Variants in TXNDC12 observed in about 807,000 individuals in gnomAD.
TXNDC12 encodes the protein thioredoxin domain-containing protein 12.
In TXNDC12, 22 loss-of-function variants were observed where a neutral mutation model predicts 24.2. That is an observed-to-expected ratio of 0.91 (90% CI 0.65 to 1.30). The LOEUF is 1.30. TXNDC12 is among the 50% of genes most tolerant of loss of function. The pLI is 0.00. For missense variants in TXNDC12, 184 were observed against 205.8 expected, an observed-to-expected ratio of 0.89 and a Z score of 0.65; for synonymous variants, 58 against 73.4, an observed-to-expected ratio of 0.79 and a Z score of 1.07.
At chr1:52,046,231 CT>C (rs1166502418) in intron 1 of TXNDC12, among the ~76,000 whole-genome samples, 1 of 150,402 alleles carries the variant, frequency 6.6e-6, no homozygotes, top group Non-Finnish European at 1.5e-5. Flanking sequence ...GTGGTACTTT[CT>C]TACTGTAGCC....
intron 1 of TXNDC12, chr1:52,044,238 A>ATG (rs1388170010): frequency 4.6e-5 from 7 of 152,240 alleles, no homozygotes; most frequent in African/African-American, 1.7e-4. Context: ...CATAAACACA[A>ATG]AGCAAGCTAA....
chr1:52,032,582 A>G, intron 2 of TXNDC12: 2 of 1,437,708 alleles, frequency 1.4e-6, no homozygotes, highest in East Asian at 2.4e-5. Context: ...ATCAGTCACA[A>G]CAGCTCTAGT....
chr1:52,033,683 C>A lies in TXNDC12; in HGVS notation c.159-5053G>T, dbSNP rs754746150. 4 of 1,610,852 alleles carry A rather than the reference C, an allele frequency of 2.5e-6. No homozygotes were observed. The African/African-American group carries it at 5.3e-5, about 21-fold the overall frequency. ...ACCACGTACACCGCGCGGCCCTCGG[C>A]AGCCAGCGCCACGCGCAACTCTTCA... is the stretch of plus-strand genomic sequence containing the variant. On this transcript the variant is annotated intron_variant, in intron 2 of 6. Transcript: ENST00000371626.
intron 6 of TXNDC12, among the ~76,000 whole-genome samples, chr1:52,022,013 G>A (rs1444560344): frequency 6.6e-6 from 1 of 152,104 alleles, no homozygotes; most frequent in African/African-American, 2.4e-5. Context: ...ACAAGAATTG[G>A]AGACCTAAAG....
intron 1 of TXNDC12, among the ~76,000 whole-genome samples, chr1:52,045,111 C>T (rs1436092299): frequency 6.6e-6 from 1 of 152,056 alleles, no homozygotes; most frequent in African/African-American, 2.4e-5. Context: ...CACGAAAAGA[C>T]ATTGAAGAAC....
intron 2 of TXNDC12, among the ~76,000 whole-genome samples, chr1:52,037,975 TACA>T (rs1410446706): frequency 3.9e-5 from 6 of 152,076 alleles, no homozygotes; most frequent in African/African-American, 1.4e-4. Context: ...TTGCCCAGGC[TACA>T]GTTCAGTGGT....
At chr1:52,024,616 G>T in intron 4 of TXNDC12, 37 bp from the exon 5 acceptor site, 7 of 1,517,076 alleles carry the variant, frequency 4.6e-6, no homozygotes, top group Non-Finnish European at 6.3e-6. Context: ...GTCAGATAAC[G>T]TCCTCTCTCT....
At chr1:52,030,847 TAAA>T (rs1557991803) in intron 2 of TXNDC12, among the ~76,000 whole-genome samples, 4 of 152,250 alleles carry the variant, frequency 2.6e-5, no homozygotes. Context: ...AAAGCAAATC[TAAA>T]GACTCCTTTG....
chr1:52,028,434 A>C (rs902819272), intron 3 of TXNDC12, 144 bp downstream of exon 3: 21 of 645,986 alleles, frequency 3.3e-5, no homozygotes, highest in Non-Finnish European at 7.9e-6. Flanking sequence ...AATTTCATGA[A>C]GGCAGGAAAT....
In TXNDC12 at chr1:52,038,762, G is replaced by A. The variant is rs367706855; in HGVS notation, c.158+2775C>T. 1.4e-4 allele frequency among the ~76,000 whole-genome samples: 22 copies of A among 152,120 alleles called. No individual in the cohort carries two copies. In the South Asian group the frequency reaches 4.6e-3, roughly 32 times the overall value. ...TTCTCAAATCATATTAGAGTCAATA[G>A]GTATGCCTTTTTATAGTACCCATGT... On this transcript the variant is annotated intron_variant, in intron 2 of 6. Transcript: ENST00000371626.
chr1:52,055,087 G>A lies in TXNDC12; in HGVS notation c.10C>T (p.Arg4Trp). The change falls in exon 1 of 7, where the codon CGG (arginine) becomes TGG (tryptophan). Residue 4 changes from arginine (R) to tryptophan (W), a missense_variant. Arg to Trp is a moderately radical substitution (Grantham distance 101). Transcript: ENST00000371626. ...AAACAGGTGGCCCCGAGACGAGGCCGCGTCTCCATGGCAGTAGGTGCGCGG... is the reference window on the plus strand; with the variant it reads ...AAACAGGTGGCCCCGAGACGAGGCCACGTCTCCATGGCAGTAGGTGCGCGG... MET[R>W]PRLGATCLLG... 6.2e-7 allele frequency: 1 copy of A among 1,613,404 alleles called. No homozygotes were observed. The highest frequency in any genetic ancestry group is 1.1e-5 in the South Asian group (1 of 91,060).
rs1685826456 is a variant in TXNDC12 at position 52,033,712 on chromosome 1, C to T, written c.159-5082G>A. Reference sequence around the variant, plus strand: ...CAGCGCCACGCGCAACTCTTCAGCACGCCGGCTCTTGCCGCTGTACGGCAG... The same window carrying T: ...CAGCGCCACGCGCAACTCTTCAGCATGCCGGCTCTTGCCGCTGTACGGCAG... On this transcript the variant is annotated intron_variant, in intron 2 of 6. Transcript: ENST00000371626. 6.2e-7 allele frequency: 1 copy of T among 1,610,724 alleles called. No individual in the cohort carries two copies. Among genetic ancestry groups the T allele is most frequent in the Admixed American group, 1.7e-5 (1 of 59,920 alleles).
At chr1:52,047,943 C>T (rs865793918) in intron 1 of TXNDC12, among the ~76,000 whole-genome samples, 8 of 151,814 alleles carry the variant, frequency 5.3e-5, no homozygotes, top group East Asian at 3.9e-4. Context: ...ATGCCAACTT[C>T]CAAACTAATA....
At chr1:52,031,528 T>C (rs185141729) in intron 2 of TXNDC12, among the ~76,000 whole-genome samples, 201 of 151,718 alleles carry the variant, frequency 1.3e-3, no homozygotes, top group African/African-American at 4.5e-3. Context: ...CCAGTTTCAC[T>C]GCTGCCCAGG....
chr1:52,036,065 C>T (rs1240122831), intron 2 of TXNDC12, among the ~76,000 whole-genome samples: 2 of 152,082 alleles, frequency 1.3e-5, no homozygotes, highest in Non-Finnish European at 2.9e-5. Context: ...TAATTTAATG[C>T]CTAATGCACA....
intron 2 of TXNDC12, chr1:52,033,794 G>C: frequency 6.5e-7 from 1 of 1,535,102 alleles, no homozygotes; most frequent in Non-Finnish European, 8.8e-7. Flanking sequence ...CAACCGCGCT[G>C]CGCCAACTTC....
At position 52,020,395 on chromosome 1, in the gene TXNDC12, A is replaced by G. The variant is rs576351068; in HGVS notation, c.*538T>C. ...AAGAGGCTGTAGAAATTTGGGAAGA[A>G]GCCCACAATTATTCCCAGGAGAAAA... is the stretch of plus-strand genomic sequence containing the variant. On this transcript the variant is annotated 3_prime_UTR_variant, in exon 7 of 7. Transcript: ENST00000371626. 4 of 297,754 alleles carry G rather than the reference A, an allele frequency of 1.3e-5. No individual in the cohort carries two copies. In the South Asian group the frequency reaches 1.6e-4, roughly 12 times the overall value. 18.4% of individuals were successfully genotyped at this position (297,754 alleles called of 1,614,324 possible). A position where few individuals can be genotyped will look rare whatever the true frequency, so the allele number is the denominator to read the frequency against.
intron 6 of TXNDC12, among the ~76,000 whole-genome samples, chr1:52,022,268 T>C (rs534971074): frequency 8.5e-5 from 13 of 152,212 alleles, no homozygotes; most frequent in African/African-American, 2.9e-4. Context: ...CTTTCATAGA[T>C]GAGGGGAAAA....
chr1:52,034,026 C>T, intron 2 of TXNDC12: 1 of 1,383,910 alleles, frequency 7.2e-7, no homozygotes, highest in Non-Finnish European at 9.3e-7. Context: ...CAGCGAAAGA[C>T]TGCCCGTCCA....
Sources: allele counts gnomAD v4.1 joint callset (sites outside exome capture counted in the v4.1 genomes callset), GRCh38; gene constraint gnomAD v4.1.1; transcripts MANE v1.5; gene names NCBI Gene and HGNC (gene_info 2026-07-23, HGNC 2026-07-21).